The following PCMT1 variants were observed in gnomAD, a reference collection of about 807,000 sequenced individuals.
The protein encoded by PCMT1 is protein-L-isoaspartate (D-aspartate) O-methyltransferase.
PCMT1 carries 9 observed loss-of-function variants against 29.2 expected under a neutral mutation model. That is an observed-to-expected ratio of 0.31 (90% CI 0.19 to 0.54). The LOEUF is 0.54. Among genes scored for constraint, PCMT1 ranks in the 20% least tolerant of loss-of-function variants. The probability of loss-of-function intolerance (pLI) is 0.95; values close to 1 mark genes in which losing one functional copy is unlikely to be tolerated. For synonymous variants in PCMT1, 98 were observed against 97.5 expected, an observed-to-expected ratio of 1.00 and a Z score of -0.03; for missense variants, 184 against 282.2, an observed-to-expected ratio of 0.65 and a Z score of 2.49.
At chr6:149,804,652 T>C (rs979207089) in intron 7 of PCMT1, among the ~76,000 whole-genome samples, 2 of 151,790 alleles carry the variant, frequency 1.3e-5, no homozygotes, top group African/African-American at 4.8e-5. Context: ...TAGCTGAGAG[T>C]ATAGGCGCCC....
At chr6:149,756,194 G>T (rs1786496596) in intron 1 of PCMT1, among the ~76,000 whole-genome samples, 1 of 152,128 alleles carries the variant, frequency 6.6e-6, no homozygotes, top group Admixed American at 6.6e-5. Context: ...TTTAAGTCGA[G>T]ATTTTTAGTA....
chr6:149,809,320 A>G (rs1018378740), intron 7 of PCMT1, among the ~76,000 whole-genome samples: 1 of 150,806 alleles, frequency 6.6e-6, no homozygotes, highest in Non-Finnish European at 1.5e-5. Context: ...TTCATATTCT[A>G]AAAAGCAGAA....
Position 149,793,691 on chromosome 6 carries a change from A to C in PCMT1, c.418+22A>C, listed in dbSNP as rs188115072. On this transcript the variant is annotated intron_variant, in intron 5 of 7. Transcript: ENST00000464889. ...GTTGGTAAGTATCAGAAAACTTTAA[A>C]AATTTCTTCAGAGGATTTTTATTTT... is the stretch of plus-strand genomic sequence containing the variant. 1.1e-5 allele frequency: 17 copies of C among 1,523,424 alleles called. No homozygotes were observed. In the East Asian group the frequency reaches 3.8e-4, roughly 34 times the overall value. 94.4% of individuals were successfully genotyped at this position (1,523,424 alleles called of 1,614,324 possible). A position where few individuals can be genotyped will look rare whatever the true frequency, so the allele number is the denominator to read the frequency against.
intron 4 of PCMT1, among the ~76,000 whole-genome samples, chr6:149,791,657 A>T (rs550131592): frequency 1.3e-5 from 2 of 152,324 alleles, no homozygotes; most frequent in East Asian, 1.9e-4. Context: ...CTAAACATCT[A>T]AAACAATGCC....
intron 1 of PCMT1, among the ~76,000 whole-genome samples, chr6:149,761,030 T>C (rs1481133410): frequency 2.0e-5 from 1 of 49,840 alleles, no homozygotes; most frequent in African/African-American, 9.9e-5. Context: ...TAAAAAAGTG[T>C]GTGTGTGTGT....
At chr6:149,754,278 A>T (rs539586096) in intron 1 of PCMT1, among the ~76,000 whole-genome samples, 7 of 152,316 alleles carry the variant, frequency 4.6e-5, no homozygotes, top group African/African-American at 1.7e-4. Context: ...TGGACAGCAC[A>T]GGTCTCTAGA....
chr6:149,764,572 A>G (rs1340934453), intron 1 of PCMT1, among the ~76,000 whole-genome samples: 1 of 151,144 alleles, frequency 6.6e-6, no homozygotes, highest in African/African-American at 2.4e-5. Context: ...CCCACTCTCT[A>G]AAAAAAAACT....
intron 6 of PCMT1, 67 bp downstream of exon 6, chr6:149,796,567 A>G (rs955176225): frequency 1.8e-6 from 2 of 1,098,326 alleles, no homozygotes; most frequent in African/African-American, 1.6e-5. Flanking sequence ...TTAAATAGAA[A>G]AGACTTCTAG....
intron 7 of PCMT1, among the ~76,000 whole-genome samples, chr6:149,807,470 A>G (rs1475303807): frequency 1.3e-5 from 2 of 152,146 alleles, no homozygotes; most frequent in Non-Finnish European, 1.5e-5. Flanking sequence ...TCCTGGGTTC[A>G]AGTGATTCTC....
chr6:149,751,338 G>T (rs1037894280), intron 1 of PCMT1, among the ~76,000 whole-genome samples: 8 of 151,390 alleles, frequency 5.3e-5, no homozygotes, highest in East Asian at 2.0e-4. Flanking sequence ...ATTTTTTTTT[G>T]AATTTTCTCT....
At chr6:149,805,848 G>A (rs1775997315) in intron 7 of PCMT1, among the ~76,000 whole-genome samples, 2 of 151,808 alleles carry the variant, frequency 1.3e-5, no homozygotes, top group African/African-American at 4.8e-5. Context: ...GGCTGAGGCA[G>A]GAGAATCACT....
chr6:149,810,197 A>G (rs1776124408), intron 7 of PCMT1: 1 of 158,652 alleles, frequency 6.3e-6, no homozygotes, highest in Non-Finnish European at 1.4e-5. Context: ...CACAATTGCT[A>G]GTGGACATTC....
At position 149,749,779 on chromosome 6, in the gene PCMT1, A is replaced by G. The variant is rs1444865712; in HGVS notation, c.-123A>G. 23 of 1,549,802 alleles carry G rather than the reference A, an allele frequency of 1.5e-5. No homozygotes were observed. The highest frequency in any genetic ancestry group is 2.0e-5 in the Non-Finnish European group (23 of 1,146,090). ...CGGCGGCGACGGCAGTAACAGCGGC[A>G]GCTACAGCGGGGACGCGAGCGGGGC... On this transcript the variant is annotated 5_prime_UTR_variant, in exon 1 of 8. Coordinates refer to ENST00000464889, the MANE Select transcript of PCMT1 (RefSeq NM_001360452.2).
intron 3 of PCMT1, among the ~76,000 whole-genome samples, chr6:149,779,087 T>C (rs1259334892): frequency 6.6e-6 from 1 of 152,078 alleles, no homozygotes; most frequent in Non-Finnish European, 1.5e-5. Context: ...GAGAGAATAT[T>C]AACTGCTTAT....
intron 3 of PCMT1, among the ~76,000 whole-genome samples, chr6:149,781,258 G>A (rs186654158): frequency 2.2e-5 from 3 of 136,768 alleles, no homozygotes; most frequent in East Asian, 2.1e-4. Flanking sequence ...ACAGAGTCTC[G>A]CTCTGTCACC....
chr6:149,804,098 AAAAAATT>A (rs1489216952), intron 7 of PCMT1, among the ~76,000 whole-genome samples: 2 of 151,582 alleles, frequency 1.3e-5, no homozygotes, highest in Non-Finnish European at 2.9e-5. Context: ...AAAAAAAAAA[AAAAAATT>A]AAAAAGGCAT....
At chr6:149,805,188 TCAC>T (rs1775970960) in intron 7 of PCMT1, among the ~76,000 whole-genome samples, 1 of 152,204 alleles carries the variant, frequency 6.6e-6, no homozygotes, top group African/African-American at 2.4e-5. Flanking sequence ...TGAGCTGTGA[TCAC>T]CACAGCATTC....
Position 149,749,779 on chromosome 6 carries a change from A to C in PCMT1, c.-123A>C. 6.5e-7 allele frequency: 1 copy of C among 1,549,802 alleles called. No homozygotes were observed. Among genetic ancestry groups the C allele is most frequent in the Non-Finnish European group, 8.7e-7 (1 of 1,146,090 alleles). ...CGGCGGCGACGGCAGTAACAGCGGC[A>C]GCTACAGCGGGGACGCGAGCGGGGC... is the stretch of plus-strand genomic sequence containing the variant. On this transcript the variant is annotated 5_prime_UTR_variant, in exon 1 of 8. Coordinates refer to ENST00000464889, the MANE Select transcript of PCMT1 (RefSeq NM_001360452.2).
intron 3 of PCMT1, among the ~76,000 whole-genome samples, chr6:149,784,455 C>T (rs1787940417): frequency 6.6e-6 from 1 of 151,760 alleles, no homozygotes; most frequent in Non-Finnish European, 1.5e-5. Context: ...ATTTACTAAT[C>T]TTGTTTTATT....
Sources: gnomAD v4.1 joint callset for allele counts (sites outside exome capture counted in the v4.1 genomes callset) on GRCh38, gnomAD v4.1.1 for gene constraint, MANE v1.5 for transcripts, NCBI Gene and HGNC (gene_info 2026-07-23, HGNC 2026-07-21) for gene names.